Variants in CTNNA2 observed in about 807,000 individuals in gnomAD.
CTNNA2 encodes catenin alpha-2.
A neutral mutation model predicts 101.0 loss-of-function variants in CTNNA2; 42 were observed. The ratio of observed to expected loss-of-function variants is 0.42; its 90% CI spans 0.32 to 0.54. The LOEUF (loss-of-function observed/expected upper bound fraction) is 0.54, where lower values mean the gene tolerates loss of function less well. Ranked by LOEUF, CTNNA2 falls within the 20% of genes least tolerant of loss-of-function variation. CTNNA2 has a pLI of 0.14. For missense variants in CTNNA2, 871 were observed against 1,223.1 expected, an observed-to-expected ratio of 0.71 and a Z score of 4.29; for synonymous variants, 450 against 456.4, an observed-to-expected ratio of 0.99 and a Z score of 0.18.
chr2:79,591,408 T>TTATC (rs1367385820), intron 1 of CTNNA2, among the ~76,000 whole-genome samples: 2 of 152,210 alleles, frequency 1.3e-5, no homozygotes, highest in Non-Finnish European at 2.9e-5. Context: ...CATTGATGCA[T>TTATC]TATCACTCCT....
chr2:80,027,737 T>C (rs376715862), intron 7 of CTNNA2, among the ~76,000 whole-genome samples: 1 of 151,740 alleles, frequency 6.6e-6, no homozygotes, highest in African/African-American at 2.4e-5. Flanking sequence ...GAGGCCAAGG[T>C]TGGGAGCATT....
chr2:79,775,003 C>T (rs1673859466), intron 3 of CTNNA2, among the ~76,000 whole-genome samples: 1 of 152,050 alleles, frequency 6.6e-6, no homozygotes, highest in South Asian at 2.1e-4. Context: ...TATGATTGGA[C>T]TATATGGTTA....
chr2:80,436,827 C>G (rs1262251788), intron 9 of CTNNA2, among the ~76,000 whole-genome samples: 1 of 152,118 alleles, frequency 6.6e-6, no homozygotes, highest in Non-Finnish European at 1.5e-5. Context: ...TTCAGGACCT[C>G]CTCGCCTCCC....
chr2:80,380,544 C>T (rs922555404), intron 7 of CTNNA2, among the ~76,000 whole-genome samples: 9 of 152,232 alleles, frequency 5.9e-5, no homozygotes, highest in Middle Eastern at 3.4e-3. Context: ...TTTGTGTTGT[C>T]ATAAGAATCC....
Position 80,241,493 on chromosome 2 carries a change from A to G in CTNNA2, c.1057-151718A>G, listed in dbSNP as rs566284157. Among the ~76,000 whole-genome samples, 11 of 152,104 alleles carry G rather than the reference A, an allele frequency of 7.2e-5. No individual in the cohort carries two copies. The East Asian group carries it at 1.4e-3, about 19-fold the overall frequency. On this transcript the variant is annotated intron_variant, in intron 7 of 18. Coordinates refer to ENST00000402739, the MANE Select transcript of CTNNA2 (RefSeq NM_001282597.3). ...GATATATATATTCATTATGAGCTAT[A>G]CAGGTCCATGAACACCCTTCTTACA...
intron 1 of CTNNA2, chr2:79,524,771 G>C (rs1426605432): frequency 1.3e-5 from 2 of 151,822 alleles, no homozygotes; most frequent in South Asian, 4.1e-4. Flanking sequence ...CCATAGTAAC[G>C]TAAGTATATT....
intron 7 of CTNNA2, among the ~76,000 whole-genome samples, chr2:80,085,864 C>A (rs1489439298): frequency 1.3e-5 from 2 of 151,954 alleles, no homozygotes; most frequent in Non-Finnish European, 2.9e-5. Flanking sequence ...CTGATGCTGA[C>A]TAAATCTATG....
intron 9 of CTNNA2, among the ~76,000 whole-genome samples, chr2:80,489,379 A>T (rs1365400226): frequency 6.6e-6 from 1 of 152,212 alleles, no homozygotes; most frequent in African/African-American, 2.4e-5. Flanking sequence ...CCATCATTAA[A>T]TTCTAAGATC....
At chr2:80,301,539 C>T (rs1205706759) in intron 7 of CTNNA2, among the ~76,000 whole-genome samples, 2 of 152,194 alleles carry the variant, frequency 1.3e-5, no homozygotes, top group African/African-American at 4.8e-5. Flanking sequence ...ATTTGCAATG[C>T]TCTCTGCTTT....
chr2:79,834,694 A>C (rs1679182212), intron 3 of CTNNA2, among the ~76,000 whole-genome samples: 1 of 152,012 alleles, frequency 6.6e-6, no homozygotes, highest in African/African-American at 2.4e-5. Flanking sequence ...GCTTATGCCT[A>C]TTGTTGTATA....
At chr2:79,407,956 A>G (rs2104487353) in intron 4 of CTNNA2, among the ~76,000 whole-genome samples, 1 of 152,122 alleles carries the variant, frequency 6.6e-6, no homozygotes, top group East Asian at 1.9e-4. Flanking sequence ...ACACTGCTGT[A>G]TCTTTGTTCT....
intron 2 of CTNNA2, among the ~76,000 whole-genome samples, chr2:79,276,464 T>C (rs1675215110): frequency 6.6e-6 from 1 of 152,112 alleles, no homozygotes; most frequent in Non-Finnish European, 1.5e-5. Flanking sequence ...GATTATACCC[T>C]TCAATAATAA....
rs78897169 is a variant in CTNNA2, at chr2:80,491,181, C to T, written c.1291-53801C>T. On this transcript the variant is annotated intron_variant, in intron 9 of 18. Coordinates refer to ENST00000402739, the MANE Select transcript of CTNNA2 (RefSeq NM_001282597.3). Reference sequence around the variant, plus strand: ...TACCTTAGGTTAAGAAACACAGCAGCGAGGCAAACTGATTGTTTATCAGTC... The same window carrying T: ...TACCTTAGGTTAAGAAACACAGCAGTGAGGCAAACTGATTGTTTATCAGTC... Among the ~76,000 whole-genome samples the T allele has an allele frequency of 6.8e-3, 1,030 of 152,240 alleles. 10 individuals are homozygous for T. Among genetic ancestry groups the T allele is most frequent in the African/African-American group, 0.022 (896 of 41,538 alleles).
rs558282949 is a variant in CTNNA2 at position 80,315,219 on chromosome 2, A to G, written c.1057-77992A>G. 4.6e-5 allele frequency among the ~76,000 whole-genome samples: 7 copies of G among 152,258 alleles called. No homozygotes were observed. In the South Asian group the frequency reaches 1.2e-3, roughly 27 times the overall value. ...ACTTTTGACTGCTCCCTCTTTAGAT[A>G]TCTGTTCCTACTTTAGAGGCTGCAT... On this transcript the variant is annotated intron_variant, in intron 7 of 18. Coordinates refer to ENST00000402739, the MANE Select transcript of CTNNA2 (RefSeq NM_001282597.3).
intron 4 of CTNNA2, among the ~76,000 whole-genome samples, chr2:79,437,117 C>T (rs1678724878): frequency 6.6e-6 from 1 of 151,682 alleles, no homozygotes; most frequent in Non-Finnish European, 1.5e-5. Flanking sequence ...GCCTGTAATC[C>T]CAGTTACTTG....
chr2:80,185,388 C>T (rs1467968739), intron 7 of CTNNA2, among the ~76,000 whole-genome samples: 1 of 152,184 alleles, frequency 6.6e-6, no homozygotes, highest in Non-Finnish European at 1.5e-5. Context: ...CACCCCATCA[C>T]TTTTGCCATT....
chr2:80,548,895 G>A (rs1023777887), intron 11 of CTNNA2, among the ~76,000 whole-genome samples: 1 of 152,118 alleles, frequency 6.6e-6, no homozygotes, highest in African/African-American at 2.4e-5. Flanking sequence ...GATATTTTAT[G>A]TATCAGTTTC....
chr2:80,006,033 G>T (rs558901523), intron 7 of CTNNA2, among the ~76,000 whole-genome samples: 45 of 152,190 alleles, frequency 3.0e-4, no homozygotes, highest in Admixed American at 1.6e-3. Context: ...CTATTTAGAA[G>T]TTGCTCTGTT....
At chr2:79,490,420 C>T in intron 4 of CTNNA2, among the ~76,000 whole-genome samples, 1 of 152,082 alleles carries the variant, frequency 6.6e-6, no homozygotes, top group Non-Finnish European at 1.5e-5. Context: ...TTATGATAAA[C>T]TCAACATGAG....
Sources: allele counts gnomAD v4.1 joint callset (sites outside exome capture counted in the v4.1 genomes callset), GRCh38; gene constraint gnomAD v4.1.1; transcripts MANE v1.5; gene names NCBI Gene and HGNC (gene_info 2026-07-23, HGNC 2026-07-21).